Variants in PRMT8 observed in about 807,000 individuals in gnomAD.
PRMT8 encodes protein arginine N-methyltransferase 8.
In PRMT8, 7 loss-of-function variants were observed where a neutral mutation model predicts 47.1. The observed-to-expected ratio is 0.15, with a 90% CI of 0.08 to 0.28. The LOEUF (loss-of-function observed/expected upper bound fraction) is 0.28. PRMT8 is among the 10% of genes least tolerant of loss of function. The pLI, the probability that PRMT8 is intolerant of heterozygous loss-of-function variation, is 1.00. For synonymous variants in PRMT8, 188 were observed against 186.5 expected (o/e 1.01, Z -0.07); for missense variants, 237 against 505.4 (o/e 0.47, Z 5.09).
chr12:3,556,826 A>AGTGGAGGGGTGGTCTTTGCCTTGCACAG (rs566611666), intron 4 of PRMT8, among the ~76,000 whole-genome samples: 3 of 152,056 alleles, frequency 2.0e-5, no homozygotes, highest in Admixed American at 1.3e-4. Context: ...TGCCCTGCCC[A>AGTGGAGGGGTGGTCTTTGCCTTGCACAG]GTGGAGGGGT....
In PRMT8 at chr12:3,397,872, G is replaced by T. The variant is rs920411348; in HGVS notation, c.48+16430G>T. ...GCTAGCAATCAGCGAGACTCCATGG[G>T]CGTAGGACCCTCCGAGCCAGGTGTG... On this transcript the variant is annotated intron_variant, in intron 1 of 9. Coordinates refer to the PRMT8 transcript ENST00000452611. Among the ~76,000 whole-genome samples, 36 of 152,332 alleles carry T rather than the reference G, an allele frequency of 2.4e-4. 1 individual carries two copies. The highest frequency in any genetic ancestry group is 8.4e-4 in the African/African-American group (35 of 41,588).
At chr12:3,565,826 C>T (rs1300483289) in intron 4 of PRMT8, among the ~76,000 whole-genome samples, 1 of 152,210 alleles carries the variant, frequency 6.6e-6, no homozygotes, top group African/African-American at 2.4e-5. Context: ...AGGAATATTT[C>T]ATACATACCT....
chr12:3,540,223 C>T (rs930773452), intron 1 of PRMT8, among the ~76,000 whole-genome samples: 2 of 152,222 alleles, frequency 1.3e-5, no homozygotes, highest in African/African-American at 4.8e-5. Context: ...CCGGAATCTA[C>T]ACTCTCAGGC....
At chr12:3,544,060 A>G (rs756289352) in intron 2 of PRMT8, among the ~76,000 whole-genome samples, 4 of 152,178 alleles carry the variant, frequency 2.6e-5, no homozygotes, top group Non-Finnish European at 5.9e-5. Context: ...TTCTGTTGAA[A>G]CAGACTCTTT....
At chr12:3,575,258 C>T (rs1370645902) in intron 6 of PRMT8, among the ~76,000 whole-genome samples, 1 of 152,186 alleles carries the variant, frequency 6.6e-6, no homozygotes, top group Non-Finnish European at 1.5e-5. Flanking sequence ...CCTCCTGCCG[C>T]ACACACCCAC....
At chr12:3,406,284 T>G (rs1316388162) in intron 1 of PRMT8, among the ~76,000 whole-genome samples, 1 of 152,246 alleles carries the variant, frequency 6.6e-6, no homozygotes, top group African/African-American at 2.4e-5. Flanking sequence ...CATTTTTCCC[T>G]CCTTGGCCTC....
rs1420426914 is a variant in PRMT8, at chr12:3,492,046, C to T, written c.75+346C>T. 6.6e-6 allele frequency among the ~76,000 whole-genome samples: 1 copy of T among 152,090 alleles called. No homozygotes were observed. The highest frequency in any genetic ancestry group is 1.5e-5 in the Non-Finnish European group (1 of 68,002). ...GGGCAGCCGCGCTCCCCTGCCCTCT[C>T]CTCTGGGCTCCGTGAGGGCTCCCGG... On this transcript the variant is annotated intron_variant, in intron 1 of 9. Transcript: ENST00000382622. This position sits in a 1 kb window ranked among gnomAD's most constrained non-coding sequence, Gnocchi z 7.5.
chr12:3,405,604 C>G (rs923199108), intron 1 of PRMT8, among the ~76,000 whole-genome samples: 1 of 152,184 alleles, frequency 6.6e-6, no homozygotes, highest in Admixed American at 6.5e-5. Context: ...GGTAAATTCA[C>G]CTGTTCCAAA....
chr12:3,555,467 C>T (rs911616985), intron 4 of PRMT8, among the ~76,000 whole-genome samples: 1 of 152,154 alleles, frequency 6.6e-6, no homozygotes, highest in Non-Finnish European at 1.5e-5. Context: ...AAGATCATGC[C>T]GTGTGGCCAG....
In PRMT8 at chr12:3,580,862, G is replaced by A. The variant is rs917110149; in HGVS notation, c.829-2196G>A. 2.6e-5 allele frequency among the ~76,000 whole-genome samples: 4 copies of A among 152,186 alleles called. No individual in the cohort carries two copies. Among genetic ancestry groups the A allele is most frequent in the Non-Finnish European group, 5.9e-5 (4 of 68,034 alleles). On this transcript the variant is annotated intron_variant, in intron 7 of 9. Transcript: ENST00000382622. This position sits in a 1 kb window ranked among gnomAD's most constrained non-coding sequence, Gnocchi z 4.6. ...ATTAACAACAATACAGGCAACCAAG[G>A]CTTGTCCGAAGAGTTTTTGAGCTGG...
rs377550863 is a variant in PRMT8 at position 3,493,088 on chromosome 12, G to T, written c.75+1388G>T. ...TTCTCTGAGAGACTAGAAGCAGCATGCATCTGACAATTGTCAATTTCAAAA... is the reference window on the plus strand; with the variant it reads ...TTCTCTGAGAGACTAGAAGCAGCATTCATCTGACAATTGTCAATTTCAAAA... On this transcript the variant is annotated intron_variant, in intron 1 of 9. Transcript: ENST00000382622. This position sits in a 1 kb window ranked among gnomAD's most constrained non-coding sequence, Gnocchi z 8.2. Among the ~76,000 whole-genome samples the T allele has an allele frequency of 1.3e-5, 2 of 152,148 alleles. No homozygotes were observed. The highest frequency in any genetic ancestry group is 3.9e-4 in the East Asian group (2 of 5,188).
chr12:3,429,135 T>G (rs1419917215), intron 1 of PRMT8, among the ~76,000 whole-genome samples: 3 of 152,150 alleles, frequency 2.0e-5, no homozygotes, highest in African/African-American at 7.2e-5. Flanking sequence ...TCTCAACCAC[T>G]GTGGGTGGGG....
chr12:3,460,846 A>G (rs1175283309), intron 1 of PRMT8, among the ~76,000 whole-genome samples: 1 of 152,220 alleles, frequency 6.6e-6, no homozygotes, highest in Non-Finnish European at 1.5e-5. Context: ...GCCACAGTGA[A>G]GAATGACCGT....
chr12:3,399,215 T>A (rs1179353083), intron 1 of PRMT8, among the ~76,000 whole-genome samples: 1 of 152,204 alleles, frequency 6.6e-6, no homozygotes, highest in East Asian at 1.9e-4. Flanking sequence ...TAACTCACTC[T>A]AGATGGAACA....
At chr12:3,563,883 T>A (rs985555734) in intron 4 of PRMT8, among the ~76,000 whole-genome samples, 1 of 152,166 alleles carries the variant, frequency 6.6e-6, no homozygotes, top group Non-Finnish European at 1.5e-5. Flanking sequence ...TTTTTTACTG[T>A]CACAATTAGG....
At chr12:3,513,716 A>G (rs1865746700) in intron 1 of PRMT8, among the ~76,000 whole-genome samples, 2 of 152,094 alleles carry the variant, frequency 1.3e-5, no homozygotes, top group Admixed American at 6.5e-5. Context: ...CTTTCATGTC[A>G]CTTTTCCTGT....
intron 1 of PRMT8, among the ~76,000 whole-genome samples, chr12:3,505,448 C>T (rs1042232579): frequency 3.3e-5 from 5 of 152,222 alleles, no homozygotes; most frequent in Admixed American, 2.6e-4. Context: ...GCACACTGCA[C>T]CCACTGGCTT....
At position 3,550,713 on chromosome 12, in the gene PRMT8, T is replaced by C. The variant is rs1866402177; in HGVS notation, c.417+622T>C. On this transcript the variant is annotated intron_variant, in intron 3 of 9. Coordinates refer to ENST00000382622, the MANE Select transcript of PRMT8 (RefSeq NM_019854.5). This position sits in a 1 kb window ranked among gnomAD's most constrained non-coding sequence, Gnocchi z 5.1. ...GTCGGTCAACTTAAATTCTGTTGCT[T>C]TGGCTGTGGCAGCGTTTCCAGGCTA... The C allele has an allele frequency of 6.6e-6, 1 of 152,208 alleles. No individual in the cohort carries two copies. The highest frequency in any genetic ancestry group is 1.5e-5 in the Non-Finnish European group (1 of 68,064). 9.4% of individuals were successfully genotyped at this position (152,208 alleles called of 1,614,324 possible). A position where few individuals can be genotyped will look rare whatever the true frequency, so the allele number is the denominator to read the frequency against.
chr12:3,560,801 G>A (rs904635422), intron 4 of PRMT8, among the ~76,000 whole-genome samples: 1 of 152,150 alleles, frequency 6.6e-6, no homozygotes, highest in Non-Finnish European at 1.5e-5. Context: ...TTAATGGTAG[G>A]GAGGACTTTG....
Sources: gnomAD v4.1 joint callset for allele counts (sites outside exome capture counted in the v4.1 genomes callset) on GRCh38, gnomAD v4.1.1 for gene constraint, Gnocchi (gnomAD v3.1) non-coding constraint, MANE v1.5 for transcripts, NCBI Gene and HGNC (gene_info 2026-07-23, HGNC 2026-07-21) for gene names.